The following TPM3 variants were observed in gnomAD, a reference collection of about 807,000 sequenced individuals.
TPM3 encodes tropomyosin 3, also known as tropomyosin alpha-3 chain.
TPM3 carries 16 observed loss-of-function variants against 43.1 expected under a neutral mutation model. The ratio of observed to expected loss-of-function variants is 0.37; its 90% CI spans 0.25 to 0.56. The LOEUF is 0.56. Ranked by LOEUF, TPM3 falls within the 20% of genes least tolerant of loss-of-function variation. The pLI is 0.77. For synonymous variants in TPM3, 101 were observed against 116.9 expected (o/e 0.86, Z 0.88); for missense variants, 176 against 337.2 (o/e 0.52, Z 3.74).
chr1:154,169,128 G>A (rs879430562), intron 9 of TPM3, among the ~76,000 whole-genome samples, 177 bp downstream of exon 9: 4 of 152,166 alleles, frequency 2.6e-5, no homozygotes, highest in Admixed American at 2.0e-4. Context: ...GAGCCACCGC[G>A]CCCGGCCATG....
downstream of TPM3, among the ~76,000 whole-genome samples, chr1:154,160,404 A>G (rs1460111298): frequency 6.6e-6 from 1 of 152,262 alleles, no homozygotes; most frequent in African/African-American, 2.4e-5. Flanking sequence ...GCTAGAGACC[A>G]GTATGGTCCC....
intron 2 of TPM3, among the ~76,000 whole-genome samples, chr1:154,181,347 CA>C (rs924410437): frequency 5.9e-5 from 9 of 152,142 alleles, no homozygotes; most frequent in African/African-American, 2.2e-4. Context: ...CTCCCCCTCC[CA>C]AAAACATTCT....
At chr1:154,189,798 C>CAAAAAAAAAA (rs1167349462) in intron 2 of TPM3, among the ~76,000 whole-genome samples, 1 of 43,838 alleles carries the variant, frequency 2.3e-5, no homozygotes, top group Non-Finnish European at 5.2e-5. Context: ...AACCCTGTCT[C>CAAAAAAAAAA]AAAAAAAAAA....
At chr1:154,169,203 A>G (rs1242370052) in intron 9 of TPM3, 102 bp downstream of exon 9, 2 of 1,176,876 alleles carry the variant, frequency 1.7e-6, no homozygotes, top group Non-Finnish European at 2.5e-6. Flanking sequence ...TGGAGATTCT[A>G]GTTTCCAAAG....
intron 2 of TPM3, chr1:154,183,510 C>G (rs1558062558): frequency 2.5e-6 from 1 of 392,736 alleles, no homozygotes; most frequent in Non-Finnish European, 4.9e-6. Context: ...CCTTACACTC[C>G]CGCAATTGAC....
At chr1:154,172,204 A>T in intron 5 of TPM3, 3 of 1,180,886 alleles carry the variant, frequency 2.5e-6, no homozygotes, top group Non-Finnish European at 3.8e-6. Context: ...AACGAAAAAA[A>T]AAAATTCAAA....
downstream of TPM3, chr1:154,156,450 A>T: frequency 5.2e-6 from 1 of 192,300 alleles, no homozygotes; most frequent in Non-Finnish European, 1.1e-5. Context: ...CTTTCTCCCA[A>T]TCGGCCCCAA....
Position 154,166,822 on chromosome 1 carries a change from C to T in TPM3, c.*1115G>A, listed in dbSNP as rs1188310787. ...TCAGCCTCCCGAGTAGCTGGGATTA[C>T]AGGCACCCACCCACCATGCCCAGCT... On this transcript the variant is annotated 3_prime_UTR_variant, in exon 10 of 10. Transcript: ENST00000651641. 2.6e-6 allele frequency: 1 copy of T among 387,500 alleles called. No homozygotes were observed. Among genetic ancestry groups the T allele is most frequent in the Non-Finnish European group, 3.5e-6 (1 of 283,328 alleles). 24.0% of individuals were successfully genotyped at this position (387,500 alleles called of 1,614,324 possible). A position where few individuals can be genotyped will look rare whatever the true frequency, so the allele number is the denominator to read the frequency against.
rs376541303 is a variant in TPM3 at position 154,178,226 on chromosome 1, C to T, written c.244-1978G>A. 2.9e-5 allele frequency: 29 copies of T among 983,832 alleles called. No homozygotes were observed. In the East Asian group the frequency reaches 5.7e-4, roughly 19 times the overall value. The allele number at this position is 983,832 out of a possible 1,614,324, so 60.9% of individuals were successfully genotyped here. ...GAGTAGAAGATAACAGGCTATGGGG[C>T]GGGGGTGTACAGTTGCCATGACAGC... On this transcript the variant is annotated intron_variant, in intron 2 of 9. Transcript: ENST00000651641.
rs563471809 is a variant in TPM3 at position 154,161,877 on chromosome 1, G to A, written c.*6060C>T. Reference sequence around the variant, plus strand: ...ACACAGAGTTTCCTAGGAATTGCATGAGGTCAGAAAGACAAATGCAGCTGT... The same window carrying A: ...ACACAGAGTTTCCTAGGAATTGCATAAGGTCAGAAAGACAAATGCAGCTGT... On this transcript the variant is annotated 3_prime_UTR_variant, in exon 10 of 10. Coordinates refer to ENST00000651641, the MANE Select transcript of TPM3 (RefSeq NM_152263.4). 6.6e-6 allele frequency among the ~76,000 whole-genome samples: 1 copy of A among 152,264 alleles called. No individual in the cohort carries two copies. The highest frequency in any genetic ancestry group is 2.4e-5 in the African/African-American group (1 of 41,542).
Position 154,191,694 on chromosome 1 carries a change from T to C in TPM3, c.117+208A>G. 2.0e-6 allele frequency: 3 copies of C among 1,493,960 alleles called. No individual in the cohort carries two copies. The East Asian group carries it at 7.2e-5, about 36-fold the overall frequency. 92.5% of individuals were successfully genotyped at this position (1,493,960 alleles called of 1,614,324 possible). A position where few individuals can be genotyped will look rare whatever the true frequency, so the allele number is the denominator to read the frequency against. On this transcript the variant is annotated intron_variant, in intron 1 of 9. Transcript: ENST00000651641. ...CATTTCTACTTAAATTCAGCAGACATACTGTGGCTCACTGACTTTCCCAAG... is the reference window on the plus strand; with the variant it reads ...CATTTCTACTTAAATTCAGCAGACACACTGTGGCTCACTGACTTTCCCAAG...
chr1:154,169,683 G>A lies in TPM3; in HGVS notation c.776-300C>T, dbSNP rs1307817827. 5.9e-6 allele frequency: 3 copies of A among 505,674 alleles called. No homozygotes were observed. In the East Asian group the frequency reaches 1.1e-4, roughly 18 times the overall value. 31.3% of individuals were successfully genotyped at this position (505,674 alleles called of 1,614,324 possible). A position where few individuals can be genotyped will look rare whatever the true frequency, so the allele number is the denominator to read the frequency against. ...TCAAGAGGATACCACTCCCATCCAG[G>A]TACCCAATTCCTAGCAGTGATAACA... is the stretch of plus-strand genomic sequence containing the variant. On this transcript the variant is annotated intron_variant, in intron 8 of 9. Coordinates refer to ENST00000651641, the MANE Select transcript of TPM3 (RefSeq NM_152263.4).
At chr1:154,178,046 G>T in intron 2 of TPM3, 1 of 698,352 alleles carries the variant, frequency 1.4e-6, no homozygotes, top group Non-Finnish European at 1.8e-6. Context: ...ACCCAACAAG[G>T]CCATGGATCA....
chr1:154,172,552 C>T (rs1383154249), intron 5 of TPM3: 1 of 464,152 alleles, frequency 2.2e-6, no homozygotes, highest in African/African-American at 2.0e-5. Flanking sequence ...GCCACCACAC[C>T]CAGCCAGACA....
downstream of TPM3, among the ~76,000 whole-genome samples, chr1:154,159,850 G>A (rs1312755825): frequency 6.6e-6 from 1 of 152,042 alleles, no homozygotes; most frequent in East Asian, 1.9e-4. Flanking sequence ...GATGACCAGA[G>A]TTGCATATTT....
chr1:154,191,120 G>A (rs557037818), intron 2 of TPM3, 66 bp downstream of exon 2: 228 of 1,611,758 alleles, frequency 1.4e-4, no homozygotes, highest in African/African-American at 6.8e-4. Context: ...TTGGAATTTC[G>A]TCATACATTA....
Position 154,185,595 on chromosome 1 carries a change from A to G in TPM3, c.243+5591T>C, listed in dbSNP as rs1393419909. Among the ~76,000 whole-genome samples, 4 of 148,942 alleles carry G rather than the reference A, an allele frequency of 2.7e-5. 1 individual carries two copies. Among genetic ancestry groups the G allele is most frequent in the African/African-American group, 1.0e-4 (4 of 39,486 alleles). On this transcript the variant is annotated intron_variant, in intron 2 of 9. Transcript: ENST00000651641. The stretch of plus-strand genomic sequence containing the variant: ...TGCAGTAGCAGGCGCCTGTAATCCC[A>G]GCCACTCGGGAGGCTGAGGCAGGAG...
rs1660502676 is a variant in TPM3, at chr1:154,162,618, G to A, written c.*5319C>T. Among the ~76,000 whole-genome samples the A allele has an allele frequency of 6.6e-6, 1 of 152,146 alleles. No individual in the cohort carries two copies. The highest frequency in any genetic ancestry group is 2.4e-5 in the African/African-American group (1 of 41,430). The stretch of plus-strand genomic sequence containing the variant: ...GGCCTGTGGTTCTTAGAAATTAAGA[G>A]GGGGTAACATTAAGGGGACAAATGT... On this transcript the variant is annotated 3_prime_UTR_variant, in exon 10 of 10. Transcript: ENST00000651641.
At chr1:154,185,476 G>A (rs1163524278) in intron 2 of TPM3, among the ~76,000 whole-genome samples, 2 of 150,464 alleles carry the variant, frequency 1.3e-5, no homozygotes, top group African/African-American at 2.5e-5. Flanking sequence ...GAGGTCAGGA[G>A]TTCAAGACCA....
Sources: allele counts gnomAD v4.1 joint callset (sites outside exome capture counted in the v4.1 genomes callset), GRCh38; gene constraint gnomAD v4.1.1; transcripts MANE v1.5; gene names NCBI Gene and HGNC (gene_info 2026-07-23, HGNC 2026-07-21).